ACAD11: variants seen among roughly 807,000 people sequenced by gnomAD.
ACAD11 encodes acyl-CoA dehydrogenase family member 11, also known as acyl-Coenzyme A dehydrogenase family, member 11.
In ACAD11, 83 loss-of-function variants were observed where a neutral mutation model predicts 102.2. That is an observed-to-expected ratio of 0.81 (90% confidence interval 0.68 to 0.97). ACAD11 has a LOEUF of 0.97. Among genes scored for constraint, ACAD11 ranks in the 50% least tolerant of loss-of-function variants. The pLI is 0.00. For missense variants in ACAD11, 901 were observed against 951.7 expected (o/e 0.95, Z 0.70); for synonymous variants, 324 against 319.8 (o/e 1.01, Z -0.14).
intron 13 of ACAD11, chr3:132,600,862 G>A (rs1285064264): frequency 1.2e-6 from 2 of 1,613,934 alleles, no homozygotes; most frequent in Non-Finnish European, 1.7e-6. Context: ...AACCATGCTG[G>A]ATCATCTGTT....
intron 1 of ACAD11, among the ~76,000 whole-genome samples, chr3:132,652,628 C>G (rs1940969405): frequency 6.6e-6 from 1 of 151,864 alleles, no homozygotes; most frequent in African/African-American, 2.4e-5. Context: ...GTCATAATTA[C>G]TGTTTTAGGT....
At chr3:132,635,435 C>T (rs1242328261) in intron 5 of ACAD11, among the ~76,000 whole-genome samples, 1 of 152,144 alleles carries the variant, frequency 6.6e-6, no homozygotes, top group Admixed American at 6.5e-5. Flanking sequence ...ACTGTGTGTG[C>T]TTGCACTCCC....
chr3:132,619,630 A>G, intron 9 of ACAD11, 85 bp from the exon 10 acceptor site: 1 of 692,742 alleles, frequency 1.4e-6, no homozygotes, highest in Non-Finnish European at 2.4e-6. Flanking sequence ...TCTAAAATAA[A>G]CATTTTTAGG....
At chr3:132,598,591 C>T (rs1938417623) in intron 13 of ACAD11, among the ~76,000 whole-genome samples, 1 of 152,226 alleles carries the variant, frequency 6.6e-6, no homozygotes. Context: ...ATTGCTAATA[C>T]ATCAGGAAAG....
intron 1 of ACAD11, among the ~76,000 whole-genome samples, chr3:132,656,842 T>C (rs1937833684): frequency 1.4e-5 from 2 of 145,694 alleles, no homozygotes; most frequent in South Asian, 2.2e-4. Context: ...TGGTTTCTCA[T>C]TGTGTTGTTT....
chr3:132,582,594 G>A (rs1487997163), intron 13 of ACAD11, among the ~76,000 whole-genome samples: 1 of 151,870 alleles, frequency 6.6e-6, no homozygotes, highest in African/African-American at 2.4e-5. Flanking sequence ...TAATCTGAGG[G>A]CTGTGGAGGA....
At chr3:132,624,325 G>T (rs1462343756) in intron 9 of ACAD11, among the ~76,000 whole-genome samples, 1 of 148,068 alleles carries the variant, frequency 6.8e-6, no homozygotes, top group Non-Finnish European at 1.5e-5. Flanking sequence ...AAAAAAAAAA[G>T]GCCGGGCGTG....
chr3:132,629,906 T>G lies in ACAD11; in HGVS notation c.963+531A>C, dbSNP rs532255706. ...ATGTAATTAGAAAAAAACCCTAAAT[T>G]TATGCTCTATTATCTTTCAAAATTA... On this transcript the variant is annotated intron_variant, in intron 7 of 19. Coordinates refer to ENST00000264990, the MANE Select transcript of ACAD11 (RefSeq NM_032169.5). Among the ~76,000 whole-genome samples the G allele has an allele frequency of 8.6e-4, 131 of 152,152 alleles. No individual in the cohort carries two copies. The Middle Eastern group carries it at 0.051, about 59-fold the overall frequency.
intron 1 of ACAD11, chr3:132,649,702 A>G (rs1338862926): frequency 6.6e-6 from 1 of 152,116 alleles, no homozygotes; most frequent in African/African-American, 2.4e-5. Context: ...TTCTTTCTAT[A>G]TACTTTGTCT....
intron 12 of ACAD11, chr3:132,604,893 T>C (rs993645831): frequency 2.3e-6 from 1 of 435,422 alleles, no homozygotes. Context: ...CATCATCTGA[T>C]ATTCTAACAA....
intron 13 of ACAD11, among the ~76,000 whole-genome samples, chr3:132,592,034 A>G (rs866572198): frequency 2.0e-5 from 3 of 152,194 alleles, no homozygotes; most frequent in African/African-American, 7.2e-5. Context: ...TATATGGAGA[A>G]CAATTAATAT....
At chr3:132,600,293 T>A (rs1938510647) in intron 13 of ACAD11, 4 of 1,047,732 alleles carry the variant, frequency 3.8e-6, no homozygotes, top group Non-Finnish European at 5.5e-6. Flanking sequence ...AGCAACAGGC[T>A]ATACTCTAGG....
At chr3:132,590,765 T>C (rs1216803205) in intron 13 of ACAD11, among the ~76,000 whole-genome samples, 1 of 152,228 alleles carries the variant, frequency 6.6e-6, no homozygotes, top group East Asian at 1.9e-4. Context: ...ATCAGTGATA[T>C]TGAGGTTTCT....
chr3:132,630,264 C>A (rs974239042), intron 7 of ACAD11, among the ~76,000 whole-genome samples, 173 bp downstream of exon 7: 10 of 152,074 alleles, frequency 6.6e-5, no homozygotes, highest in African/African-American at 1.9e-4. Context: ...TTTTCCTTGC[C>A]AAATTCCTAT....
At position 132,619,459 on chromosome 3, in the gene ACAD11, T is replaced by A. The variant is rs375276203; in HGVS notation, c.1275+9A>T. The A allele has an allele frequency of 9.0e-6, 14 of 1,561,262 alleles. No individual in the cohort carries two copies. Among genetic ancestry groups the A allele is most frequent in the Non-Finnish European group, 1.1e-5 (13 of 1,157,722 alleles). ...CATATGAATTTTCTAGCGTTAAAGA[T>A]TTTCTTACCTTGAGTTTATCAATCA... is the stretch of plus-strand genomic sequence containing the variant. On this transcript the variant is annotated intron_variant, in intron 10 of 19. Transcript: ENST00000264990.
intron 17 of ACAD11, among the ~76,000 whole-genome samples, chr3:132,561,621 T>G (rs1032804636): frequency 3.2e-4 from 49 of 152,212 alleles, no homozygotes; most frequent in Non-Finnish European, 1.5e-5. Flanking sequence ...ACAGGTAAAC[T>G]AGAAAATTCT....
At chr3:132,614,476 T>G (rs558946074) in intron 11 of ACAD11, among the ~76,000 whole-genome samples, 48 of 152,156 alleles carry the variant, frequency 3.2e-4, no homozygotes, top group African/African-American at 1.1e-3. Flanking sequence ...CCGAAATAGA[T>G]ATATAGACCA....
At chr3:132,571,300 T>G (rs1937368065) in intron 17 of ACAD11, among the ~76,000 whole-genome samples, 1 of 152,090 alleles carries the variant, frequency 6.6e-6, no homozygotes, top group Non-Finnish European at 1.5e-5. Flanking sequence ...ATGTCTGTCT[T>G]CTTTTCAAAA....
chr3:132,574,998 T>C (rs552620521), intron 17 of ACAD11, among the ~76,000 whole-genome samples: 1 of 151,164 alleles, frequency 6.6e-6, no homozygotes, highest in African/African-American at 2.5e-5. Flanking sequence ...CCATGCCTGG[T>C]TAATTTTTTT....
Sources: gnomAD v4.1 joint callset for allele counts (sites outside exome capture counted in the v4.1 genomes callset) on GRCh38, gnomAD v4.1.1 for gene constraint, MANE v1.5 for transcripts, NCBI Gene and HGNC (gene_info 2026-07-23, HGNC 2026-07-21) for gene names.